CADM1: variants seen among roughly 807,000 people sequenced by gnomAD.
CADM1 encodes cell adhesion molecule 1, also known as TSLC-1.
Under a neutral mutation model 53.1 loss-of-function variants are expected in CADM1, and 15 were observed. The ratio of observed to expected loss-of-function variants is 0.28; its 90% confidence interval spans 0.19 to 0.44. The LOEUF (loss-of-function observed/expected upper bound fraction) is 0.44. CADM1 is among the 20% of genes least tolerant of loss of function. CADM1 has a pLI of 1.00. For missense variants in CADM1, 434 were observed against 611.3 expected (o/e 0.71, Z 3.06); for synonymous variants, 281 against 243.0 (o/e 1.16, Z -1.45).
chr11:115,381,716 C>G (rs1160975686), intron 1 of CADM1, among the ~76,000 whole-genome samples: 1 of 152,180 alleles, frequency 6.6e-6, no homozygotes, highest in African/African-American at 2.4e-5. Context: ...CTTATTCCCT[C>G]CCCTCCACAA....
chr11:115,232,013 T>TAATAATAATAATAAC (rs576888198), intron 3 of CADM1, among the ~76,000 whole-genome samples: 16 of 146,890 alleles, frequency 1.1e-4, no homozygotes, highest in African/African-American at 4.0e-4. Flanking sequence ...ATAATAATAA[T>TAATAATAATAATAAC]AACAACAACA....
intron 1 of CADM1, among the ~76,000 whole-genome samples, chr11:115,299,507 T>C (rs1316026457): frequency 6.6e-6 from 1 of 152,126 alleles, no homozygotes; most frequent in East Asian, 1.9e-4. Flanking sequence ...TGCATGAGAA[T>C]GGCAAGACCA....
intron 1 of CADM1, among the ~76,000 whole-genome samples, chr11:115,451,329 G>A (rs1330842475): frequency 6.6e-6 from 1 of 152,190 alleles, no homozygotes; most frequent in South Asian, 2.1e-4. Flanking sequence ...TTTTTTGAGG[G>A]TCTTTCTGCA....
chr11:115,209,766 C>A, intron 7 of CADM1, 109 bp from the exon 8 acceptor site: 1 of 1,383,808 alleles, frequency 7.2e-7, no homozygotes, highest in South Asian at 1.4e-5. Flanking sequence ...TGATGGCTTC[C>A]CCCTTTAAAA....
chr11:115,289,592 TC>T (rs371030581), intron 1 of CADM1, among the ~76,000 whole-genome samples: 2 of 126,128 alleles, frequency 1.6e-5, no homozygotes, highest in Non-Finnish European at 3.1e-5. Flanking sequence ...TCTTTTTTTT[TC>T]TTTTTTTTTT....
intron 1 of CADM1, among the ~76,000 whole-genome samples, chr11:115,370,628 T>C (rs1449095839): frequency 6.6e-6 from 1 of 152,164 alleles, no homozygotes; most frequent in Non-Finnish European, 1.5e-5. Flanking sequence ...AATGCCTTGA[T>C]CTTGGAAGTT....
chr11:115,380,317 T>C (rs2135151065), intron 1 of CADM1, among the ~76,000 whole-genome samples: 1 of 152,308 alleles, frequency 6.6e-6, no homozygotes, highest in Non-Finnish European at 1.5e-5. Flanking sequence ...ACTCAAGCAA[T>C]TCTCAGCCCT....
At chr11:115,253,174 G>T (rs941907728) in intron 1 of CADM1, among the ~76,000 whole-genome samples, 14 of 152,184 alleles carry the variant, frequency 9.2e-5, no homozygotes, top group Admixed American at 9.2e-4. Flanking sequence ...AAGCTGTCCT[G>T]GGCTGTATAT....
chr11:115,410,324 C>T (rs905350638), intron 1 of CADM1, among the ~76,000 whole-genome samples: 1 of 152,326 alleles, frequency 6.6e-6, no homozygotes, highest in African/African-American at 2.4e-5. Flanking sequence ...GAAAATTAAC[C>T]TGTGTTATCC....
chr11:115,244,118 C>T lies in CADM1; in HGVS notation c.125-3698G>A, dbSNP rs188955845. 4.6e-5 allele frequency among the ~76,000 whole-genome samples: 7 copies of T among 152,194 alleles called. No individual in the cohort carries two copies. The South Asian group carries it at 8.3e-4, about 18-fold the overall frequency. The stretch of plus-strand genomic sequence containing the variant: ...AACTATGGCACTGGAGAGTCCCATT[C>T]GCTTACAATCAAGCTTCCTGTAGTA... On this transcript the variant is annotated intron_variant, in intron 1 of 11. Transcript: ENST00000331581.
At chr11:115,281,985 AACATGTATCAAAGAC>A (rs928093243) in intron 1 of CADM1, among the ~76,000 whole-genome samples, 1 of 152,206 alleles carries the variant, frequency 6.6e-6, no homozygotes, top group Non-Finnish European at 1.5e-5. Context: ...TACAAAGTAA[AACATGTATCAAAGAC>A]ACACAAGCCA....
rs549737078 is a variant in CADM1, at chr11:115,437,371, A to G, written c.124+66900T>C. ...CCTAGATAGACAAGACATGAGTCCAATTCTCTCTGGACTTAAGAAACTAAC... is the reference window on the plus strand; with the variant it reads ...CCTAGATAGACAAGACATGAGTCCAGTTCTCTCTGGACTTAAGAAACTAAC... On this transcript the variant is annotated intron_variant, in intron 1 of 11. Transcript: ENST00000331581. Among the ~76,000 whole-genome samples, 7 of 152,320 alleles carry G rather than the reference A, an allele frequency of 4.6e-5. No individual in the cohort carries two copies. The East Asian group carries it at 7.7e-4, about 17-fold the overall frequency.
At chr11:115,220,686 T>G (rs1281664405) in intron 5 of CADM1, among the ~76,000 whole-genome samples, 1 of 152,150 alleles carries the variant, frequency 6.6e-6, no homozygotes, top group Non-Finnish European at 1.5e-5. Flanking sequence ...AGCCTAGGAA[T>G]CAAATATTAT....
chr11:115,455,200 C>T (rs908620746), intron 1 of CADM1, among the ~76,000 whole-genome samples: 3 of 152,036 alleles, frequency 2.0e-5, no homozygotes, highest in Non-Finnish European at 4.4e-5. Flanking sequence ...AGGTTTCCTT[C>T]GTTTCCAACC....
intron 1 of CADM1, among the ~76,000 whole-genome samples, chr11:115,416,488 T>G (rs1277530299): frequency 6.6e-6 from 1 of 152,100 alleles, no homozygotes; most frequent in Non-Finnish European, 1.5e-5. Context: ...CTTATCAGTA[T>G]TTAAGCAGCA....
intron 1 of CADM1, among the ~76,000 whole-genome samples, chr11:115,250,662 A>G (rs1209996468): frequency 2.0e-5 from 3 of 152,254 alleles, no homozygotes; most frequent in African/African-American, 4.8e-5. Flanking sequence ...CATCTGCATG[A>G]TAACAATAGC....
intron 1 of CADM1, among the ~76,000 whole-genome samples, chr11:115,300,344 C>T (rs1404123843): frequency 3.3e-5 from 5 of 152,204 alleles, no homozygotes; most frequent in Admixed American, 2.6e-4. Context: ...GCTTTAAATA[C>T]ATCCTCACTT....
intron 1 of CADM1, among the ~76,000 whole-genome samples, chr11:115,347,815 C>T (rs1945620987): frequency 6.6e-6 from 1 of 152,182 alleles, no homozygotes; most frequent in South Asian, 2.1e-4. Flanking sequence ...CAGTTATGTA[C>T]ATCCAAAGTA....
At chr11:115,419,652 A>C (rs1486959030) in intron 1 of CADM1, among the ~76,000 whole-genome samples, 2 of 152,194 alleles carry the variant, frequency 1.3e-5, no homozygotes, top group African/African-American at 4.8e-5. Flanking sequence ...AATTCTCTAA[A>C]GTATTAAGAA....
Sources: gnomAD v4.1 joint callset for allele counts (sites outside exome capture counted in the v4.1 genomes callset) on GRCh38, gnomAD v4.1.1 for gene constraint, MANE v1.5 for transcripts, NCBI Gene and HGNC (gene_info 2026-07-23, HGNC 2026-07-21) for gene names.